CNTN4: variants seen among roughly 807,000 people sequenced by gnomAD.
CNTN4 encodes contactin 4.
In CNTN4, 77 loss-of-function variants were observed where a neutral mutation model predicts 122.5. The ratio of observed to expected loss-of-function variants is 0.63; its 90% CI spans 0.52 to 0.76. CNTN4 has a LOEUF of 0.76. Among genes scored for constraint, CNTN4 ranks in the 30% least tolerant of loss-of-function variants. The pLI is 0.00. For synonymous variants in CNTN4, 512 were observed against 447.0 expected, an observed-to-expected ratio of 1.15 and a Z score of -1.83; for missense variants, 1,256 against 1,259.1, an observed-to-expected ratio of 1.00 and a Z score of 0.04.
intron 3 of CNTN4, among the ~76,000 whole-genome samples, chr3:2,491,123 A>G (rs1007166102): frequency 5.3e-5 from 8 of 152,196 alleles, no homozygotes; most frequent in African/African-American, 1.9e-4. Context: ...CAAGACATTT[A>G]AAAGTGTATA....
intron 4 of CNTN4, among the ~76,000 whole-genome samples, chr3:2,699,112 G>A (rs1374897322): frequency 6.6e-6 from 1 of 152,108 alleles, no homozygotes; most frequent in East Asian, 1.9e-4. Flanking sequence ...CTTAATGCTT[G>A]GAAGAATTTG....
intron 4 of CNTN4, among the ~76,000 whole-genome samples, chr3:2,705,940 T>G (rs1181934022): frequency 4.7e-5 from 6 of 126,832 alleles, no homozygotes; most frequent in African/African-American, 1.2e-4. Context: ...AATTTATAAA[T>G]AAATATATAA....
chr3:2,829,190 G>A (rs11715624), intron 7 of CNTN4, among the ~76,000 whole-genome samples: 1,971 of 152,176 alleles, frequency 0.013, 19 homozygotes, highest in Non-Finnish European at 0.019. Context: ...GGGTTACAGC[G>A]CATTAGTTGA....
At chr3:2,144,385 A>C (rs2035145327) in intron 2 of CNTN4, 1 of 152,208 alleles carries the variant, frequency 6.6e-6, no homozygotes. Flanking sequence ...ACTCCCACTG[A>C]TAGTGTTTTA....
intron 2 of CNTN4, among the ~76,000 whole-genome samples, chr3:2,131,899 C>T (rs1366624064): frequency 6.6e-6 from 1 of 152,234 alleles, no homozygotes; most frequent in East Asian, 1.9e-4. Context: ...GTACATCTCC[C>T]AATTTACCTA....
At chr3:2,872,238 T>TAGCCA (rs1224839222) in intron 8 of CNTN4, among the ~76,000 whole-genome samples, 44 of 152,282 alleles carry the variant, frequency 2.9e-4, no homozygotes, top group African/African-American at 1.1e-3. Context: ...GGCTCTTCTG[T>TAGCCA]CTTTAGCCAC....
chr3:2,372,705 T>C (rs932077465), intron 3 of CNTN4, among the ~76,000 whole-genome samples: 5 of 152,130 alleles, frequency 3.3e-5, no homozygotes, highest in East Asian at 1.9e-4. Context: ...GAAAAACCAA[T>C]TGAGTGAGAG....
chr3:2,746,711 A>C (rs114270738), intron 6 of CNTN4, among the ~76,000 whole-genome samples: 1,622 of 152,298 alleles, frequency 0.011, 26 homozygotes, highest in African/African-American at 0.037. Context: ...TTCCTAATCT[A>C]TTAATGCCAT....
chr3:2,698,055 A>G (rs2086146664), intron 4 of CNTN4, among the ~76,000 whole-genome samples: 3 of 152,206 alleles, frequency 2.0e-5, no homozygotes, highest in Admixed American at 2.0e-4. Context: ...TAACACATGA[A>G]ATTAATCATC....
intron 13 of CNTN4, among the ~76,000 whole-genome samples, chr3:2,972,810 C>T (rs1409191864): frequency 6.6e-6 from 1 of 150,926 alleles, no homozygotes; most frequent in Non-Finnish European, 1.5e-5. Context: ...TCTCCTTAAA[C>T]CCCTCCCCTT....
chr3:2,719,231 A>G (rs1559425378), intron 4 of CNTN4, among the ~76,000 whole-genome samples: 2 of 152,162 alleles, frequency 1.3e-5, no homozygotes, highest in Non-Finnish European at 2.9e-5. Flanking sequence ...TGATTAAGGA[A>G]CAATTTCTCC....
intron 2 of CNTN4, among the ~76,000 whole-genome samples, chr3:2,335,576 T>A (rs2043919157): frequency 1.1e-5 from 1 of 90,352 alleles, no homozygotes; most frequent in Non-Finnish European, 2.2e-5. Flanking sequence ...CAGAAAAAAA[T>A]TCTGTGGGTT....
intron 10 of CNTN4, among the ~76,000 whole-genome samples, chr3:2,898,189 G>C (rs1033769709): frequency 3.3e-5 from 5 of 152,162 alleles, no homozygotes; most frequent in Non-Finnish European, 7.4e-5. Flanking sequence ...TGTTAAGATA[G>C]ACTGTCTCTC....
At chr3:2,160,509 C>T (rs2035914698) in intron 2 of CNTN4, among the ~76,000 whole-genome samples, 1 of 152,116 alleles carries the variant, frequency 6.6e-6, no homozygotes, top group Non-Finnish European at 1.5e-5. Context: ...TATCATATTG[C>T]TCACTGTTAT....
chr3:2,672,482 G>A (rs189403732), intron 4 of CNTN4, among the ~76,000 whole-genome samples: 88 of 152,270 alleles, frequency 5.8e-4, no homozygotes, highest in Non-Finnish European at 1.1e-3. Flanking sequence ...ATTAGGGTGG[G>A]AGTGACCCGA....
intron 6 of CNTN4, among the ~76,000 whole-genome samples, chr3:2,801,841 C>G (rs2092355407): frequency 6.6e-6 from 1 of 152,136 alleles, no homozygotes; most frequent in Non-Finnish European, 1.5e-5. Context: ...AACCTCTTAA[C>G]TTTTCTGAGT....
chr3:2,846,578 T>G (rs1489699324), intron 7 of CNTN4, among the ~76,000 whole-genome samples: 1 of 152,248 alleles, frequency 6.6e-6, no homozygotes, highest in Admixed American at 6.5e-5. Flanking sequence ...GATTTTATCA[T>G]GTATGCCTCT....
chr3:2,653,606 A>C (rs987813955), intron 4 of CNTN4, among the ~76,000 whole-genome samples: 2 of 152,108 alleles, frequency 1.3e-5, no homozygotes, highest in Non-Finnish European at 2.9e-5. Flanking sequence ...TTTAGTCAGA[A>C]ATACTCTTCT....
At chr3:2,807,884 C>T (rs2092508221) in intron 6 of CNTN4, among the ~76,000 whole-genome samples, 1 of 152,118 alleles carries the variant, frequency 6.6e-6, no homozygotes, top group African/African-American at 2.4e-5. Flanking sequence ...AGTTTCCTCC[C>T]AAGCTTCTTG....
Sources: gnomAD v4.1 joint callset for allele counts (sites outside exome capture counted in the v4.1 genomes callset) on GRCh38, gnomAD v4.1.1 for gene constraint, MANE v1.5 for transcripts, NCBI Gene and HGNC (gene_info 2026-07-23, HGNC 2026-07-21) for gene names.